The following WWOX variants were observed in gnomAD, a reference collection of about 807,000 sequenced individuals.
The protein encoded by WWOX is WW domain-containing oxidoreductase.
Under a neutral mutation model 46.2 loss-of-function variants are expected in WWOX, and 69 were observed. That is an observed-to-expected ratio of 1.49 (90% CI 1.23 to 1.82). WWOX has a LOEUF of 1.82. Ranked by LOEUF, WWOX falls within the 40% of genes most tolerant of loss-of-function variation. The pLI, the probability that WWOX is intolerant of heterozygous loss-of-function variation, is 0.00. For missense variants in WWOX, 919 were observed against 542.6 expected (o/e 1.69, Z -6.89); for synonymous variants, 359 against 202.6 (o/e 1.77, Z -6.56).
At chr16:78,288,195 T>C (rs1428301895) in intron 5 of WWOX, among the ~76,000 whole-genome samples, 1 of 151,992 alleles carries the variant, frequency 6.6e-6, no homozygotes, top group African/African-American at 2.4e-5. Context: ...TTTTATTTAA[T>C]ATGGCCGGTG....
At chr16:78,430,733 T>A (rs1309682380) in intron 7 of WWOX, among the ~76,000 whole-genome samples, 1 of 152,190 alleles carries the variant, frequency 6.6e-6, no homozygotes, top group African/African-American at 2.4e-5. Context: ...GTATCCTTGA[T>A]GACGTTTCTG....
intron 8 of WWOX, among the ~76,000 whole-genome samples, chr16:78,716,537 C>G (rs2048565944): frequency 6.6e-6 from 1 of 152,108 alleles, no homozygotes; most frequent in East Asian, 1.9e-4. Context: ...TTTTGGGTCC[C>G]TATGTCACCT....
chr16:79,186,553 C>G (rs902009340), intron 8 of WWOX, among the ~76,000 whole-genome samples: 4 of 152,212 alleles, frequency 2.6e-5, no homozygotes, highest in Non-Finnish European at 5.9e-5. Context: ...TGCATCTTAA[C>G]TGTTTAACTC....
At chr16:78,746,660 T>C (rs946200001) in intron 8 of WWOX, among the ~76,000 whole-genome samples, 1 of 152,052 alleles carries the variant, frequency 6.6e-6, no homozygotes, top group Non-Finnish European at 1.5e-5. Context: ...TGTGCTTGCA[T>C]GATTGGCTTT....
chr16:78,873,884 A>ACCTG (rs2044179188), intron 8 of WWOX, among the ~76,000 whole-genome samples: 1 of 152,124 alleles, frequency 6.6e-6, no homozygotes, highest in Non-Finnish European at 1.5e-5. Flanking sequence ...AGCGAGGGGC[A>ACCTG]ATCACAGGTC....
At chr16:78,418,675 T>A (rs1337018077) in intron 6 of WWOX, among the ~76,000 whole-genome samples, 3 of 152,114 alleles carry the variant, frequency 2.0e-5, no homozygotes, top group Non-Finnish European at 4.4e-5. Context: ...CAATATAATA[T>A]AACATAATAG....
At chr16:79,191,237 G>T (rs539671610) in intron 8 of WWOX, among the ~76,000 whole-genome samples, 1 of 151,742 alleles carries the variant, frequency 6.6e-6, no homozygotes, top group African/African-American at 2.4e-5. Context: ...TTGTATTTTA[G>T]CAGAGACAGG....
chr16:78,569,531 T>G (rs1390543045), intron 8 of WWOX, among the ~76,000 whole-genome samples: 3 of 152,224 alleles, frequency 2.0e-5, no homozygotes, highest in African/African-American at 7.2e-5. Flanking sequence ...TTTTTGTACA[T>G]ATATGATTAT....
At chr16:78,837,277 C>G (rs1029246680) in intron 8 of WWOX, among the ~76,000 whole-genome samples, 2 of 152,136 alleles carry the variant, frequency 1.3e-5, no homozygotes, top group East Asian at 1.9e-4. Flanking sequence ...CCTTTCAACG[C>G]GAGTTTCATT....
At chr16:78,916,487 G>C (rs2045254962) in intron 8 of WWOX, among the ~76,000 whole-genome samples, 2 of 152,146 alleles carry the variant, frequency 1.3e-5, no homozygotes, top group South Asian at 4.1e-4. Context: ...GCTCTAAAGG[G>C]AAAAGCTTTG....
chr16:78,270,822 A>T (rs550554977), intron 5 of WWOX, among the ~76,000 whole-genome samples: 2 of 152,338 alleles, frequency 1.3e-5, no homozygotes, highest in South Asian at 2.1e-4. Flanking sequence ...CGTTAAAAAA[A>T]ACAAAAATGA....
intron 8 of WWOX, among the ~76,000 whole-genome samples, chr16:78,743,959 T>G (rs2049289166): frequency 6.6e-6 from 1 of 152,228 alleles, no homozygotes. Context: ...ACTTTCCTTT[T>G]CAGTAAATCT....
rs187105596 is a variant in WWOX, at chr16:78,469,103, A to G, written c.1056+36351A>G. ...ACTCGTTTTCAAATACTCAAATGCC[A>G]TTGAGTCAGATTTCAGAGGCAAATG... On this transcript the variant is annotated intron_variant, in intron 8 of 8. Transcript: ENST00000566780. Among the ~76,000 whole-genome samples, 976 of 152,314 alleles carry G rather than the reference A, an allele frequency of 6.4e-3. 3 individuals are homozygous for G. The highest frequency in any genetic ancestry group is 0.01 in the Non-Finnish European group (689 of 68,022).
chr16:78,439,958 G>A (rs1368466323), intron 8 of WWOX, among the ~76,000 whole-genome samples: 1 of 152,174 alleles, frequency 6.6e-6, no homozygotes, highest in Non-Finnish European at 1.5e-5. Flanking sequence ...AGAGCATTCT[G>A]CTTCAGAACT....
intron 8 of WWOX, among the ~76,000 whole-genome samples, chr16:78,610,033 C>A (rs945686279): frequency 6.7e-6 from 1 of 149,562 alleles, no homozygotes; most frequent in African/African-American, 2.5e-5. Context: ...TCTGCGAATC[C>A]GCTGAATGTC....
At chr16:79,155,268 C>T (rs973499509) in intron 8 of WWOX, among the ~76,000 whole-genome samples, 6 of 151,764 alleles carry the variant, frequency 4.0e-5, no homozygotes, top group African/African-American at 1.2e-4. Flanking sequence ...TCCAGCTACT[C>T]GGGAGGCCGA....
intron 8 of WWOX, among the ~76,000 whole-genome samples, chr16:78,547,134 A>AAG: frequency 2.8e-5 from 1 of 36,220 alleles, no homozygotes; most frequent in Non-Finnish European, 9.7e-5. Context: ...TCAGAAAAAA[A>AAG]AAAAAAAAAA....
chr16:78,673,481 G>A (rs2047515590), intron 8 of WWOX, among the ~76,000 whole-genome samples: 1 of 152,010 alleles, frequency 6.6e-6, no homozygotes, highest in Non-Finnish European at 1.5e-5. Context: ...TCTAAAACAG[G>A]GCTTCCAGGA....
Position 78,878,756 on chromosome 16 carries a change from T to A in WWOX, c.1057-332852T>A, listed in dbSNP as rs77528743. ...ATCCTGACAATGTTAGTGAAGTTGC[T>A]TGCTTGAAATTTACCAGGCCAGGCT... On this transcript the variant is annotated intron_variant, in intron 8 of 8. Coordinates refer to ENST00000566780, the MANE Select transcript of WWOX (RefSeq NM_016373.4). 8.4e-3 allele frequency among the ~76,000 whole-genome samples: 1,275 copies of A among 152,104 alleles called. 16 individuals carry two copies. The highest frequency in any genetic ancestry group is 0.029 in the African/African-American group (1,198 of 41,476).
Sources: allele counts gnomAD v4.1 joint callset (sites outside exome capture counted in the v4.1 genomes callset), GRCh38; gene constraint gnomAD v4.1.1; transcripts MANE v1.5; gene names NCBI Gene and HGNC (gene_info 2026-07-23, HGNC 2026-07-21).